The following BRAF variants were observed in gnomAD, a reference collection of about 807,000 sequenced individuals.
BRAF encodes the protein B-Raf proto-oncogene, serine/threonine kinase, also known as serine/threonine-protein kinase B-raf.
Under a neutral mutation model 104.6 loss-of-function variants are expected in BRAF, and 16 were observed. That is an observed-to-expected ratio of 0.15 (90% CI 0.10 to 0.23). The LOEUF (loss-of-function observed/expected upper bound fraction) is 0.23. BRAF is among the 10% of genes least tolerant of loss of function. The pLI is 1.00. For synonymous variants in BRAF, 310 were observed against 341.6 expected, an observed-to-expected ratio of 0.91 and a Z score of 1.02; for missense variants, 541 against 937.3, an observed-to-expected ratio of 0.58 and a Z score of 5.52.
intron 1 of BRAF, among the ~76,000 whole-genome samples, chr7:140,898,575 T>C (rs976402162): frequency 6.6e-6 from 1 of 152,230 alleles, no homozygotes; most frequent in African/African-American, 2.4e-5. Flanking sequence ...TATAAAGCTA[T>C]GTAGAGAAGT....
chr7:140,872,375 T>C (rs1002592236), intron 1 of BRAF, among the ~76,000 whole-genome samples: 5 of 150,716 alleles, frequency 3.3e-5, no homozygotes, highest in Admixed American at 3.3e-4. Flanking sequence ...TGAAGTAAAA[T>C]GAAAGCTTAA....
chr7:140,786,880 G>T lies in BRAF; in HGVS notation c.1177+668C>A, dbSNP rs919771325. Among the ~76,000 whole-genome samples the T allele has an allele frequency of 8.4e-4, 128 of 152,262 alleles. 2 individuals are homozygous for T. Among genetic ancestry groups the T allele is most frequent in the Admixed American group, 3.4e-3 (52 of 15,300 alleles). The stretch of plus-strand genomic sequence containing the variant: ...AGATGGTTAGAAATTAATAAAGCGG[G>T]TATAAAAATTAAGGATCTTTCCTTG... On this transcript the variant is annotated intron_variant, in intron 9 of 19. Transcript: ENST00000644969.
At position 140,839,336 on chromosome 7, in the gene BRAF, AC is replaced by A. The variant is rs570160646; in HGVS notation, c.241-4465del. Among the ~76,000 whole-genome samples the A allele has an allele frequency of 3.9e-4, 59 of 152,346 alleles. No individual in the cohort carries two copies. The South Asian group carries it at 0.012, about 32-fold the overall frequency. ...AATTAAAAACAAAACAAAATGGGTC[AC>A]ATATCTATTATATAATTGAGCACCC... On this transcript the variant is annotated intron_variant, in intron 2 of 19. Transcript: ENST00000644969.
chr7:140,899,754 C>G (rs1253480832), intron 1 of BRAF, among the ~76,000 whole-genome samples: 1 of 152,080 alleles, frequency 6.6e-6, no homozygotes, highest in Non-Finnish European at 1.5e-5. Flanking sequence ...CCAGTTCATT[C>G]TTTACATGTT....
intron 2 of BRAF, among the ~76,000 whole-genome samples, chr7:140,841,821 G>C (rs1431239374): frequency 2.0e-5 from 3 of 151,930 alleles, no homozygotes; most frequent in African/African-American, 7.3e-5. Context: ...AAAAACCACT[G>C]AATTACACAG....
chr7:140,752,689 T>A (rs1317168858), intron 16 of BRAF, among the ~76,000 whole-genome samples: 1 of 152,222 alleles, frequency 6.6e-6, no homozygotes, highest in Non-Finnish European at 1.5e-5. Context: ...TTTTTTGTCT[T>A]TCCTCTTCCA....
intron 1 of BRAF, among the ~76,000 whole-genome samples, chr7:140,889,353 C>A (rs1003550830): frequency 6.6e-6 from 1 of 152,052 alleles, no homozygotes; most frequent in African/African-American, 2.4e-5. Flanking sequence ...TCAGCAAAAA[C>A]CCTTCATAAT....
intron 2 of BRAF, 145 bp downstream of exon 2, chr7:140,849,966 T>C: frequency 1.6e-6 from 1 of 628,200 alleles, no homozygotes; most frequent in Non-Finnish European, 2.8e-6. Context: ...GATTAAGAAG[T>C]ATAATACAGG....
At chr7:140,727,105 T>A (rs925871243) in intron 19 of BRAF, among the ~76,000 whole-genome samples, 3 of 152,084 alleles carry the variant, frequency 2.0e-5, no homozygotes, top group Non-Finnish European at 4.4e-5. Flanking sequence ...CATAAAGAAT[T>A]CTTTAAACCA....
At chr7:140,752,870 T>C (rs1198831331) in intron 16 of BRAF, among the ~76,000 whole-genome samples, 3 of 152,108 alleles carry the variant, frequency 2.0e-5, no homozygotes, top group Non-Finnish European at 4.4e-5. Flanking sequence ...GTTTTTTTTT[T>C]CAACAGGGTA....
chr7:140,789,079 C>T (rs1586167967), intron 8 of BRAF, among the ~76,000 whole-genome samples: 1 of 151,580 alleles, frequency 6.6e-6, no homozygotes, highest in African/African-American at 2.4e-5. Flanking sequence ...CATGGTGGCA[C>T]GCGACTGTAA....
intron 1 of BRAF, among the ~76,000 whole-genome samples, chr7:140,916,085 A>G (rs908753855): frequency 3.3e-5 from 5 of 152,224 alleles, no homozygotes; most frequent in Admixed American, 3.3e-4. Context: ...GTCAAAACTT[A>G]GTCAGTTTCT....
rs1296245849 is a variant in BRAF, at chr7:140,753,277, T to C, written c.1978A>G (p.Met660Val). 1 of 1,604,128 alleles carries C rather than the reference T, an allele frequency of 6.2e-7. No homozygotes were observed. Among genetic ancestry groups the C allele is most frequent in the Non-Finnish European group, 8.5e-7 (1 of 1,171,684 alleles). The change falls in exon 16 of 20, where the codon ATG (methionine) becomes GTG (valine). Residue 660 changes from methionine to valine, a missense_variant and splice_region_variant. Physicochemically the swap from Met to Val is conservative, Grantham distance 21. Around this residue, in one of 10 missense-constraint regions of BRAF, gnomAD observed 129 missense variants for 285.8 expected, o/e 0.45. Coordinates refer to ENST00000644969, the MANE Select transcript of BRAF (RefSeq NM_001374258.1). ...GGAAAAATAGCCTCAATTCTTACCATCCACAAAATGGATCCAGACAACTGT... is the reference window on the plus strand; with the variant it reads ...GGAAAAATAGCCTCAATTCTTACCACCCACAAAATGGATCCAGACAACTGT... ...FEQLSGSILW[M>V]APEVIRMQDK...
intron 1 of BRAF, among the ~76,000 whole-genome samples, chr7:140,888,820 A>T (rs1586556176): frequency 6.6e-6 from 1 of 151,024 alleles, no homozygotes; most frequent in African/African-American, 2.5e-5. Flanking sequence ...GGGCAACAAA[A>T]GCAAAACTCC....
chr7:140,747,170 A>C (rs1562938088), intron 17 of BRAF, among the ~76,000 whole-genome samples: 2 of 152,296 alleles, frequency 1.3e-5, no homozygotes, highest in South Asian at 4.1e-4. Context: ...AACCCTTCAA[A>C]ATGTGGAGTT....
At chr7:140,853,006 C>T (rs887784676) in intron 1 of BRAF, among the ~76,000 whole-genome samples, 6 of 152,128 alleles carry the variant, frequency 3.9e-5, no homozygotes, top group African/African-American at 1.2e-4. Flanking sequence ...TCTAACTTTA[C>T]CACCCTGGTC....
In BRAF at chr7:140,924,414, C is replaced by A; in HGVS notation, c.138+152G>T. On this transcript the variant is annotated intron_variant, in intron 1 of 19. Transcript: ENST00000644969. The surrounding 1 kb of genome is among the most constrained non-coding windows in gnomAD (Gnocchi z 4.2). ...GAAGGCGCTGCATGACGGAGAGGGACACGGGGGCGATGCCCACCTCCCAGC... is the reference window on the plus strand; with the variant it reads ...GAAGGCGCTGCATGACGGAGAGGGAAACGGGGGCGATGCCCACCTCCCAGC... The A allele has an allele frequency of 8.5e-7, 1 of 1,169,738 alleles. No individual in the cohort carries two copies. The highest frequency in any genetic ancestry group is 1.2e-6 in the Non-Finnish European group (1 of 829,192). The allele number at this position is 1,169,738 out of a possible 1,614,324, so 72.5% of individuals were successfully genotyped here. A position where few individuals can be genotyped will look rare whatever the true frequency, so the allele number is the denominator to read the frequency against.
chr7:140,919,597 G>A (rs1817996393), intron 1 of BRAF, among the ~76,000 whole-genome samples: 1 of 152,056 alleles, frequency 6.6e-6, no homozygotes, highest in African/African-American at 2.4e-5. Context: ...AATTAAGTAT[G>A]TTAGTGATTT....
In BRAF at chr7:140,724,824, A is replaced by T; in HGVS notation, c.*1670T>A. ...TTGTGTTCCTAAATTCTGAGTCTAG[A>T]TTCCTGATAAGGGAGGTTTTCCATT... is the stretch of plus-strand genomic sequence containing the variant. On this transcript the variant is annotated 3_prime_UTR_variant, in exon 20 of 20. Transcript: ENST00000644969. 1 of 1,037,812 alleles carries T rather than the reference A, an allele frequency of 9.6e-7. No individual in the cohort carries two copies. The highest frequency in any genetic ancestry group is 1.2e-6 in the Non-Finnish European group (1 of 861,910). 64.3% of individuals were successfully genotyped at this position (1,037,812 alleles called of 1,614,324 possible). A position where few individuals can be genotyped will look rare whatever the true frequency, so the allele number is the denominator to read the frequency against.
Sources: allele counts gnomAD v4.1 joint callset (sites outside exome capture counted in the v4.1 genomes callset), GRCh38; gene constraint gnomAD v4.1.1; regional missense constraint gnomAD v4.1.1; non-coding constraint Gnocchi (gnomAD v3.1); transcripts MANE v1.5; gene names NCBI Gene and HGNC (gene_info 2026-07-23, HGNC 2026-07-21).